Variants in DGKI observed in about 807,000 individuals in gnomAD.
The protein encoded by DGKI is diacylglycerol kinase iota, also known as DAG kinase iota.
DGKI carries 55 observed loss-of-function variants against 147.5 expected under a neutral mutation model. The ratio of observed to expected loss-of-function variants is 0.37; its 90% confidence interval spans 0.30 to 0.47. The LOEUF (loss-of-function observed/expected upper bound fraction) is 0.47, where lower values mean the gene tolerates loss of function less well. Ranked by LOEUF, DGKI falls within the 20% of genes least tolerant of loss-of-function variation. The pLI, the probability that DGKI is intolerant of heterozygous loss-of-function variation, is 1.00. For synonymous variants in DGKI, 469 were observed against 477.1 expected (o/e 0.98, Z 0.22); for missense variants, 1,007 against 1,323.8 (o/e 0.76, Z 3.71).
At chr7:137,771,209 G>C (rs1484926812) in intron 1 of DGKI, among the ~76,000 whole-genome samples, 1 of 152,092 alleles carries the variant, frequency 6.6e-6, no homozygotes, top group Non-Finnish European at 1.5e-5. Context: ...TCCTGCCTCA[G>C]CCTCCTGAGT....
At chr7:137,467,541 G>A (rs1221042980) in intron 24 of DGKI, among the ~76,000 whole-genome samples, 1 of 152,132 alleles carries the variant, frequency 6.6e-6, no homozygotes, top group East Asian at 1.9e-4. Flanking sequence ...GGTCTTAAAT[G>A]AATCATTTCA....
intron 20 of DGKI, among the ~76,000 whole-genome samples, chr7:137,535,730 TAA>T (rs1817495475): frequency 6.6e-6 from 1 of 152,050 alleles, no homozygotes; most frequent in African/African-American, 2.4e-5. Flanking sequence ...TTGAAAGCAA[TAA>T]GATAGAATGT....
At chr7:137,539,304 C>A (rs556430979) in intron 20 of DGKI, among the ~76,000 whole-genome samples, 2 of 152,296 alleles carry the variant, frequency 1.3e-5, no homozygotes, top group Non-Finnish European at 2.9e-5. Context: ...AAACCCTTAG[C>A]TTTCTGGCAC....
chr7:137,717,598 A>G lies in DGKI; in HGVS notation c.402-27596T>C, dbSNP rs185108514. 8.5e-5 allele frequency among the ~76,000 whole-genome samples: 13 copies of G among 152,354 alleles called. No individual in the cohort carries two copies. In the East Asian group the frequency reaches 2.5e-3, roughly 29 times the overall value. On this transcript the variant is annotated intron_variant, in intron 1 of 32. Transcript: ENST00000614521. ...ACTATATATTTTTATGTGTGTGTGT[A>G]CATACTCATATAGAAATATTTTTAT...
At chr7:137,419,435 T>TA (rs1478167549) in intron 28 of DGKI, among the ~76,000 whole-genome samples, 7 of 152,246 alleles carry the variant, frequency 4.6e-5, no homozygotes, top group African/African-American at 1.7e-4. Context: ...TATTTCTGCA[T>TA]AGCCTTTGCT....
intron 28 of DGKI, among the ~76,000 whole-genome samples, chr7:137,431,177 A>G (rs774472594): frequency 3.3e-5 from 5 of 152,200 alleles, no homozygotes; most frequent in Non-Finnish European, 5.9e-5. Flanking sequence ...GCACACAGTC[A>G]GAGAAACAAA....
At chr7:137,522,021 C>T (rs1422145060) in intron 20 of DGKI, 55 bp from the exon 21 acceptor site, 5 of 1,321,098 alleles carry the variant, frequency 3.8e-6, no homozygotes, top group Non-Finnish European at 5.4e-6. Context: ...AATTGGTAGC[C>T]ATGCACCTGA....
chr7:137,576,629 C>T (rs1341764107), intron 17 of DGKI, among the ~76,000 whole-genome samples: 5 of 152,178 alleles, frequency 3.3e-5, no homozygotes, highest in South Asian at 2.1e-4. Context: ...AGTATATTTC[C>T]GCAACCTGAT....
chr7:137,690,738 C>G (rs1259317952), intron 1 of DGKI, among the ~76,000 whole-genome samples: 1 of 152,020 alleles, frequency 6.6e-6, no homozygotes, highest in Non-Finnish European at 1.5e-5. Flanking sequence ...TGATCTTGGT[C>G]TGCAAAGAAA....
intron 19 of DGKI, among the ~76,000 whole-genome samples, chr7:137,564,499 A>G (rs1818516582): frequency 1.3e-5 from 2 of 152,180 alleles, no homozygotes; most frequent in South Asian, 2.1e-4. Flanking sequence ...TATCCAGAAT[A>G]TATCTCTTCT....
intron 28 of DGKI, among the ~76,000 whole-genome samples, chr7:137,438,455 T>C (rs1813367885): frequency 6.6e-6 from 1 of 152,146 alleles, no homozygotes; most frequent in Admixed American, 6.5e-5. Flanking sequence ...TGTAGATCAA[T>C]GGGAACTCTT....
At chr7:137,628,147 G>C (rs553120915) in intron 6 of DGKI, among the ~76,000 whole-genome samples, 6 of 152,138 alleles carry the variant, frequency 3.9e-5, no homozygotes, top group Non-Finnish European at 7.4e-5. Flanking sequence ...ATGATATAGG[G>C]TGAGTGTATC....
At chr7:137,553,724 C>T (rs1469974358) in intron 19 of DGKI, among the ~76,000 whole-genome samples, 1 of 152,060 alleles carries the variant, frequency 6.6e-6, no homozygotes, top group African/African-American at 2.4e-5. Flanking sequence ...ATGTATAACA[C>T]CCAGAAGGTT....
intron 1 of DGKI, among the ~76,000 whole-genome samples, chr7:137,836,289 T>C (rs760086845): frequency 3.3e-5 from 5 of 152,208 alleles, no homozygotes; most frequent in Non-Finnish European, 7.3e-5. Context: ...TGAGAAAGAA[T>C]GACTCAGGTT....
At chr7:137,551,514 G>C (rs1818044264) in intron 20 of DGKI, among the ~76,000 whole-genome samples, 7 of 152,148 alleles carry the variant, frequency 4.6e-5, no homozygotes, top group Admixed American at 4.6e-4. Flanking sequence ...CTGTGATAGA[G>C]AATGACAAAA....
chr7:137,637,435 T>C (rs6963303), intron 6 of DGKI, among the ~76,000 whole-genome samples: 2,996 of 152,298 alleles, frequency 0.02, 86 homozygotes, highest in African/African-American at 0.066. Context: ...GATATCAAAA[T>C]GGAATGCTGT....
At chr7:137,735,608 T>C (rs1191421945) in intron 1 of DGKI, among the ~76,000 whole-genome samples, 4 of 152,206 alleles carry the variant, frequency 2.6e-5, no homozygotes, top group African/African-American at 9.6e-5. Context: ...GATTTTGAAA[T>C]GTCAATTGAA....
intron 1 of DGKI, among the ~76,000 whole-genome samples, chr7:137,729,034 C>A (rs1237534714): frequency 6.6e-6 from 1 of 151,826 alleles, no homozygotes; most frequent in East Asian, 1.9e-4. Flanking sequence ...TAATTCTGGC[C>A]TAGAGAAGAT....
intron 1 of DGKI, among the ~76,000 whole-genome samples, chr7:137,717,822 A>C (rs923025481): frequency 6.6e-6 from 1 of 152,234 alleles, no homozygotes; most frequent in Admixed American, 6.5e-5. Flanking sequence ...CCAGTGCCTA[A>C]TGGCTATTCC....
Sources: gnomAD v4.1 joint callset for allele counts (sites outside exome capture counted in the v4.1 genomes callset) on GRCh38, gnomAD v4.1.1 for gene constraint, MANE v1.5 for transcripts, NCBI Gene and HGNC (gene_info 2026-07-23, HGNC 2026-07-21) for gene names.